Variants in UBAC2 observed in about 807,000 individuals in gnomAD.
UBAC2 encodes the protein ubiquitin-associated domain-containing protein 2.
Under a neutral mutation model 44.0 loss-of-function variants are expected in UBAC2, and 26 were observed. That is an observed-to-expected ratio of 0.59 (90% CI 0.43 to 0.82). The LOEUF (loss-of-function observed/expected upper bound fraction) is 0.82. UBAC2 is among the 40% of genes least tolerant of loss of function. The probability of loss-of-function intolerance (pLI) is 0.00; values close to 1 mark genes in which losing one functional copy is unlikely to be tolerated. For missense variants in UBAC2, 329 were observed against 419.4 expected, an observed-to-expected ratio of 0.78 and a Z score of 1.88; for synonymous variants, 155 against 154.3, an observed-to-expected ratio of 1.00 and a Z score of -0.04.
chr13:99,292,729 T>TTTTA (rs3031412), intron 4 of UBAC2, among the ~76,000 whole-genome samples: 1 of 151,656 alleles, frequency 6.6e-6, no homozygotes, highest in Non-Finnish European at 1.5e-5. Context: ...TTTTTTTTTT[T>TTTTA]AATGTGGTCA....
chr13:99,232,450 GAAA>G (rs201108037), intron 1 of UBAC2, among the ~76,000 whole-genome samples: 1 of 110,884 alleles, frequency 9.0e-6, no homozygotes, highest in Non-Finnish European at 2.2e-5. Context: ...AGGACCAAAA[GAAA>G]AAAAAAAATC....
intron 6 of UBAC2, among the ~76,000 whole-genome samples, chr13:99,329,984 A>G (rs1043422681): frequency 5.9e-5 from 9 of 152,352 alleles, no homozygotes; most frequent in South Asian, 2.1e-4. Context: ...CACGAACGTG[A>G]TAAGTCTCTA....
At chr13:99,338,071 T>TTTTTTTTTTTTA (rs1555330450) in intron 6 of UBAC2, among the ~76,000 whole-genome samples, 34 of 105,140 alleles carry the variant, frequency 3.2e-4, no homozygotes, top group Non-Finnish European at 4.9e-4. Flanking sequence ...TTTTTTTTTT[T>TTTTTTTTTTTTA]TTTTGAGACA....
intron 6 of UBAC2, among the ~76,000 whole-genome samples, chr13:99,337,735 A>G (rs913464): frequency 0.82 from 125,057 of 152,114 alleles, 51,923 homozygotes; most frequent in Middle Eastern, 0.92. Context: ...TGGCCTTCCC[A>G]ACCCACATGG....
At chr13:99,258,767 A>T (rs949196090) in intron 4 of UBAC2, among the ~76,000 whole-genome samples, 1 of 152,182 alleles carries the variant, frequency 6.6e-6, no homozygotes, top group Admixed American at 6.5e-5. Flanking sequence ...TAGGGGCCCT[A>T]AACCAGAAAG....
At chr13:99,254,918 T>C (rs759164125) in intron 4 of UBAC2, 2 of 1,614,000 alleles carry the variant, frequency 1.2e-6, no homozygotes, top group Non-Finnish European at 1.7e-6. Flanking sequence ...GACCGTAGAC[T>C]ACCAGATCGG....
chr13:99,285,170 A>G (rs953751421), intron 4 of UBAC2, among the ~76,000 whole-genome samples: 3 of 152,136 alleles, frequency 2.0e-5, no homozygotes, highest in Non-Finnish European at 4.4e-5. Context: ...TACTGAAACT[A>G]CTGTTTCCAC....
At chr13:99,308,092 T>C (rs1293155235) in intron 4 of UBAC2, 1 of 152,252 alleles carries the variant, frequency 6.6e-6, no homozygotes, top group African/African-American at 2.4e-5. Context: ...ATAGTTGTAG[T>C]TGACTCAGTT....
At chr13:99,287,838 C>G (rs1235799525) in intron 4 of UBAC2, among the ~76,000 whole-genome samples, 1 of 151,996 alleles carries the variant, frequency 6.6e-6, no homozygotes, top group Non-Finnish European at 1.5e-5. Context: ...GACCTTCTTG[C>G]CCTTGCTCCC....
rs181809431 is a variant in UBAC2 at position 99,226,990 on chromosome 13, G to A, written c.32-11437G>A. 4.3e-4 allele frequency among the ~76,000 whole-genome samples: 66 copies of A among 152,286 alleles called. No homozygotes were observed. The East Asian group carries it at 0.012, about 28-fold the overall frequency. ...AAGGAGGGTGGATCACCTGAGGCCA[G>A]GAGTTCAAGACCAGCCTGACCAACA... On this transcript the variant is annotated intron_variant, in intron 1 of 8. Transcript: ENST00000403766.
intron 4 of UBAC2, among the ~76,000 whole-genome samples, chr13:99,259,554 G>A (rs2043626052): frequency 6.6e-6 from 1 of 152,144 alleles, no homozygotes; most frequent in Non-Finnish European, 1.5e-5. Flanking sequence ...TCAAGGTAAA[G>A]CCAGGTCCAG....
chr13:99,262,710 C>CAAAGAAAA (rs2043682797), intron 4 of UBAC2, among the ~76,000 whole-genome samples: 1 of 57,158 alleles, frequency 1.7e-5, no homozygotes, highest in Non-Finnish European at 3.1e-5. Context: ...AACTCCCTCT[C>CAAAGAAAA]AAAAAAAAAA....
chr13:99,275,936 T>C (rs960892704), intron 4 of UBAC2, among the ~76,000 whole-genome samples: 6 of 152,194 alleles, frequency 3.9e-5, no homozygotes, highest in African/African-American at 1.4e-4. Flanking sequence ...GTTGGTCAGA[T>C]TCCCCAGATC....
intron 4 of UBAC2, among the ~76,000 whole-genome samples, chr13:99,302,335 A>C (rs902194772): frequency 8.5e-5 from 13 of 152,254 alleles, no homozygotes; most frequent in Admixed American, 7.9e-4. Flanking sequence ...ATGAAAGCTC[A>C]GGGTTAATTG....
chr13:99,216,834 C>CTTTTTTTTTTTTT (rs11338165), intron 1 of UBAC2, among the ~76,000 whole-genome samples: 1 of 140,624 alleles, frequency 7.1e-6, no homozygotes. Flanking sequence ...TTTCTTTTTT[C>CTTTTTTTTTTTTT]TTTTTTTTTT....
intron 4 of UBAC2, among the ~76,000 whole-genome samples, chr13:99,274,829 C>A (rs2043862328): frequency 6.6e-6 from 1 of 151,690 alleles, no homozygotes; most frequent in African/African-American, 2.4e-5. Flanking sequence ...GTGATCCTCC[C>A]ACCTCAGCCT....
intron 4 of UBAC2, among the ~76,000 whole-genome samples, chr13:99,245,978 A>G (rs529577089): frequency 2.6e-5 from 4 of 152,374 alleles, no homozygotes; most frequent in African/African-American, 9.6e-5. Context: ...ATGAGATAGT[A>G]TGAAATATAG....
chr13:99,349,596 C>T (rs2045047524), intron 7 of UBAC2, among the ~76,000 whole-genome samples: 1 of 152,184 alleles, frequency 6.6e-6, no homozygotes, highest in Non-Finnish European at 1.5e-5. Context: ...CACGTAATCA[C>T]AGGACAGGGG....
chr13:99,255,784 C>G, intron 4 of UBAC2: 2 of 1,612,976 alleles, frequency 1.2e-6, no homozygotes, highest in Non-Finnish European at 1.7e-6. Flanking sequence ...GAAGATACAG[C>G]TATAGAAGAC....
Sources: allele counts gnomAD v4.1 joint callset (sites outside exome capture counted in the v4.1 genomes callset), GRCh38; gene constraint gnomAD v4.1.1; transcripts MANE v1.5; gene names NCBI Gene and HGNC (gene_info 2026-07-23, HGNC 2026-07-21).